Variants in SYT6 observed in about 807,000 individuals in gnomAD.
The protein encoded by SYT6 is synaptotagmin 6.
In SYT6, 24 loss-of-function variants were observed where a neutral mutation model predicts 38.4. The observed-to-expected ratio is 0.62, with a 90% CI of 0.45 to 0.88. The LOEUF is 0.88. SYT6 is among the 40% of genes least tolerant of loss of function. The pLI, the probability that SYT6 is intolerant of heterozygous loss-of-function variation, is 0.00. For synonymous variants in SYT6, 265 were observed against 241.9 expected (o/e 1.10, Z -0.89); for missense variants, 611 against 621.0 (o/e 0.98, Z 0.17).
At chr1:114,104,748 G>T (rs1676181668) in intron 3 of SYT6, among the ~76,000 whole-genome samples, 1 of 152,112 alleles carries the variant, frequency 6.6e-6, no homozygotes, top group African/African-American at 2.4e-5. Context: ...GTTGATCTGA[G>T]TGCTAAGGAT....
intron 3 of SYT6, among the ~76,000 whole-genome samples, chr1:114,110,451 G>A (rs546244193): frequency 2.6e-5 from 4 of 152,306 alleles, no homozygotes; most frequent in Admixed American, 2.6e-4. Context: ...GAGCAGCCAA[G>A]AATGGAAGGA....
intron 3 of SYT6, among the ~76,000 whole-genome samples, chr1:114,127,463 TCCTGTTGGCTTTAGAA>T (rs71090757): frequency 0.26 from 39,986 of 152,052 alleles, 5,419 homozygotes; most frequent in African/African-American, 0.29. Flanking sequence ...AAAGTCAAGG[TCCTGTTGGCTTTAGAA>T]CCTGGGGCTG....
At chr1:114,104,665 C>CTT (rs1676173666) in intron 3 of SYT6, among the ~76,000 whole-genome samples, 4 of 121,808 alleles carry the variant, frequency 3.3e-5, no homozygotes, top group Non-Finnish European at 7.1e-5. Flanking sequence ...CAGATGAGGC[C>CTT]CTCCATCCAT....
At chr1:114,145,415 C>T (rs544878325) in intron 1 of SYT6, among the ~76,000 whole-genome samples, 5 of 151,662 alleles carry the variant, frequency 3.3e-5, no homozygotes, top group African/African-American at 9.7e-5. Context: ...AACTGGGCTA[C>T]AACCCAGCCA....
intron 3 of SYT6, among the ~76,000 whole-genome samples, chr1:114,113,812 C>T (rs1160687835): frequency 6.6e-6 from 1 of 152,212 alleles, no homozygotes; most frequent in East Asian, 1.9e-4. Flanking sequence ...AGCCAGAGTG[C>T]TCTTCCCCAG....
At chr1:114,110,612 C>T (rs1023257245) in intron 3 of SYT6, among the ~76,000 whole-genome samples, 3 of 152,134 alleles carry the variant, frequency 2.0e-5, no homozygotes, top group African/African-American at 7.2e-5. Context: ...AAGCAGAGCC[C>T]TTTGAGGACT....
chr1:114,098,280 G>A (rs897977598), intron 5 of SYT6, among the ~76,000 whole-genome samples: 3 of 152,170 alleles, frequency 2.0e-5, no homozygotes, highest in Admixed American at 6.5e-5. Context: ...GCTGGAATGT[G>A]ATTTATTCAC....
intron 1 of SYT6, chr1:114,152,996 T>A (rs976527344): frequency 4.0e-5 from 6 of 151,858 alleles, no homozygotes; most frequent in African/African-American, 1.4e-4. Flanking sequence ...AACACCCTCA[T>A]ACCCTCCCCC....
At chr1:114,094,013 T>C (rs1077884) in intron 6 of SYT6, among the ~76,000 whole-genome samples, 56,620 of 151,974 alleles carry the variant, frequency 0.37, 10,995 homozygotes, top group East Asian at 0.53. Flanking sequence ...TGAGTAAGCA[T>C]GCCACTTAAA....
chr1:114,103,030 A>C (rs2101633837), intron 4 of SYT6, among the ~76,000 whole-genome samples: 1 of 152,318 alleles, frequency 6.6e-6, no homozygotes, highest in African/African-American at 2.4e-5. Context: ...TTCCTGCTGT[A>C]CCTAGCAGCT....
intron 1 of SYT6, 118 bp downstream of exon 1, chr1:114,153,492 A>G (rs1289871894): frequency 1.8e-6 from 1 of 542,542 alleles, no homozygotes. Context: ...CTCCCAATCC[A>G]GAATCCCGAG....
intron 3 of SYT6, among the ~76,000 whole-genome samples, chr1:114,133,225 C>T (rs1678264974): frequency 6.6e-6 from 1 of 152,050 alleles, no homozygotes; most frequent in Admixed American, 6.6e-5. Context: ...CTAGTAGGGA[C>T]CTGGTAAGGC....
At chr1:114,130,147 C>T (rs1383218423) in intron 3 of SYT6, among the ~76,000 whole-genome samples, 1 of 152,120 alleles carries the variant, frequency 6.6e-6, no homozygotes, top group African/African-American at 2.4e-5. Context: ...CCCTGTTTTG[C>T]CCTGCTGTCC....
intron 6 of SYT6, among the ~76,000 whole-genome samples, chr1:114,096,198 C>T (rs756186963): frequency 1.3e-5 from 2 of 152,010 alleles, no homozygotes; most frequent in South Asian, 2.1e-4. Context: ...GGTTGTCTAG[C>T]GTTCTGCCCA....
chr1:114,117,513 G>T (rs1677072657), intron 3 of SYT6, among the ~76,000 whole-genome samples: 1 of 152,142 alleles, frequency 6.6e-6, no homozygotes, highest in Admixed American at 6.5e-5. Context: ...CTGGGTAGAG[G>T]GTGGGAACGA....
intron 5 of SYT6, among the ~76,000 whole-genome samples, chr1:114,098,770 G>A (rs764363115): frequency 1.3e-5 from 2 of 152,202 alleles, no homozygotes; most frequent in African/African-American, 2.4e-5. Flanking sequence ...AAATAGAGAG[G>A]ATAGAGGGGC....
chr1:114,091,928 C>T lies in SYT6; in HGVS notation c.*206G>A, dbSNP rs1323697476. On this transcript the variant is annotated 3_prime_UTR_variant, in exon 8 of 8. Coordinates refer to ENST00000610222, the MANE Select transcript of SYT6 (RefSeq NM_001253772.2). Reference sequence around the variant, plus strand: ...ACGGCTGCCGCTGCTGCCGCCACTGCGACTGCACAACACTGTTTAGACGGT... The same window carrying T: ...ACGGCTGCCGCTGCTGCCGCCACTGTGACTGCACAACACTGTTTAGACGGT... The T allele has an allele frequency of 2.0e-5, 28 of 1,427,368 alleles. No individual in the cohort carries two copies. The highest frequency in any genetic ancestry group is 1.2e-4 in the East Asian group (5 of 40,038). The allele number at this position is 1,427,368 out of a possible 1,614,324, so 88.4% of individuals were successfully genotyped here.
At chr1:114,137,435 T>A (rs562006399) in intron 3 of SYT6, 60 bp downstream of exon 3, 1 of 1,551,580 alleles carries the variant, frequency 6.4e-7, no homozygotes, top group East Asian at 2.3e-5. Context: ...TTTGGGGACA[T>A]GTCCCACCCA....
chr1:114,095,809 C>T (rs567803371), intron 6 of SYT6, among the ~76,000 whole-genome samples: 6 of 152,152 alleles, frequency 3.9e-5, no homozygotes, highest in Non-Finnish European at 7.4e-5. Context: ...TACAGGTGCC[C>T]GCTACCACAC....
Sources: allele counts gnomAD v4.1 joint callset (sites outside exome capture counted in the v4.1 genomes callset), GRCh38; gene constraint gnomAD v4.1.1; transcripts MANE v1.5; gene names NCBI Gene and HGNC (gene_info 2026-07-23, HGNC 2026-07-21).